Variants in HAUS8 observed in about 807,000 individuals in gnomAD.
The protein encoded by HAUS8 is HAUS augmin like complex subunit 8, also known as HAUS augmin-like complex subunit 8.
A neutral mutation model predicts 42.9 loss-of-function variants in HAUS8; 38 were observed. The ratio of observed to expected loss-of-function variants is 0.89; its 90% CI spans 0.68 to 1.16. The LOEUF (loss-of-function observed/expected upper bound fraction) is 1.16, where lower values mean the gene tolerates loss of function less well. Ranked by LOEUF, HAUS8 falls within the 50% of genes most tolerant of loss-of-function variation. The pLI, the probability that HAUS8 is intolerant of heterozygous loss-of-function variation, is 0.00. For missense variants in HAUS8, 494 were observed against 511.6 expected (o/e 0.97, Z 0.33); for synonymous variants, 199 against 205.8 (o/e 0.97, Z 0.28).
At chr19:17,050,840 G>A (rs988521838) in intron 10 of HAUS8, among the ~76,000 whole-genome samples, 1 of 152,058 alleles carries the variant, frequency 6.6e-6, no homozygotes, top group Admixed American at 6.5e-5. Context: ...GGTCTATAGT[G>A]AGCCGAGGAT....
At chr19:17,063,481 T>G (rs750611409) in intron 3 of HAUS8, among the ~76,000 whole-genome samples, 1 of 152,256 alleles carries the variant, frequency 6.6e-6, no homozygotes, top group Non-Finnish European at 1.5e-5. Context: ...ACGTAATTTT[T>G]CATGTAGGAA....
rs9676600 is a variant in HAUS8, at chr19:17,057,676, C to T, written c.645+873G>A. On this transcript the variant is annotated intron_variant, in intron 8 of 10. Transcript: ENST00000253669. The stretch of plus-strand genomic sequence containing the variant: ...TACTCAAGCCCAGGGTCTAGCTGCA[C>T]GGGTGCTCACATGAAAATTTTGGAT... 1.3e-5 allele frequency among the ~76,000 whole-genome samples: 2 copies of T among 152,080 alleles called. 1 individual carries two copies. Among genetic ancestry groups the T allele is most frequent in the South Asian group, 4.1e-4 (2 of 4,822 alleles).
intron 9 of HAUS8, among the ~76,000 whole-genome samples, chr19:17,055,555 G>A (rs545176232): frequency 4.5e-4 from 68 of 152,138 alleles, no homozygotes; most frequent in Non-Finnish European, 8.5e-4. Flanking sequence ...TGGTGGTCTT[G>A]TCACCCCCCA....
chr19:17,052,754 C>T, intron 10 of HAUS8, 71 bp downstream of exon 10: 4 of 1,555,618 alleles, frequency 2.6e-6, no homozygotes, highest in Non-Finnish European at 3.5e-6. Flanking sequence ...GGCACCACCC[C>T]AACAGTGCAG....
At chr19:17,067,516 G>C (rs1057080820) in intron 3 of HAUS8, among the ~76,000 whole-genome samples, 2 of 152,088 alleles carry the variant, frequency 1.3e-5, no homozygotes, top group Non-Finnish European at 2.9e-5. Flanking sequence ...TGCTGAAAAG[G>C]GGGATGCTGA....
At chr19:17,056,099 T>A in intron 8 of HAUS8, 97 bp from the exon 9 acceptor site, 1 of 1,141,918 alleles carries the variant, frequency 8.8e-7, no homozygotes, top group Non-Finnish European at 1.3e-6. Flanking sequence ...GATACAGCGC[T>A]GTTCTTCACC....
intron 9 of HAUS8, 87 bp from the exon 10 acceptor site, chr19:17,053,053 CATG>C: frequency 1.3e-6 from 2 of 1,514,598 alleles, no homozygotes; most frequent in Non-Finnish European, 1.8e-6. Context: ...AGACTTCTGT[CATG>C]ATGCTCGGCT....
At chr19:17,068,302 C>A (rs570491349) in intron 3 of HAUS8, among the ~76,000 whole-genome samples, 3 of 151,760 alleles carry the variant, frequency 2.0e-5, no homozygotes, top group Non-Finnish European at 4.4e-5. Context: ...TTAGTTGAGA[C>A]GGGGTTTCGC....
rs202008584 is a variant in HAUS8, at chr19:17,055,888, G to C, written c.760C>G (p.Leu254Val). 2 of 1,614,144 alleles carry C rather than the reference G, an allele frequency of 1.2e-6. No individual in the cohort carries two copies. Among genetic ancestry groups the C allele is most frequent in the Non-Finnish European group, 1.7e-6 (2 of 1,180,032 alleles). ...AAGAGCTGCTGCCCATCTCCCTCCA[G>C]GTGGATGGACCTCACGGGCAGCTCG... ...RHELPVRSIH[L>V]EGDGQQLLDA... Residue 254 changes from leucine to valine, a missense_variant, in exon 9 of 11, where the codon CTG becomes GTG. Transcript: ENST00000253669.
intron 3 of HAUS8, among the ~76,000 whole-genome samples, chr19:17,066,519 G>C (rs2057387960): frequency 1.3e-5 from 2 of 152,180 alleles, no homozygotes; most frequent in Admixed American, 1.3e-4. Context: ...ACTTGAACTT[G>C]GTTGGTCAGA....
intron 8 of HAUS8, among the ~76,000 whole-genome samples, chr19:17,056,603 A>G (rs971451463): frequency 6.6e-6 from 1 of 151,902 alleles, no homozygotes; most frequent in Non-Finnish European, 1.5e-5. Context: ...ACACATATAT[A>G]TTTTTTAGAT....
At chr19:17,072,530 C>T (rs1304362478) in intron 2 of HAUS8, among the ~76,000 whole-genome samples, 1 of 151,906 alleles carries the variant, frequency 6.6e-6, no homozygotes, top group Non-Finnish European at 1.5e-5. Context: ...TTTAGTAGAA[C>T]GAGGTTTCAC....
At chr19:17,060,939 A>G (rs1294373016) in intron 4 of HAUS8, among the ~76,000 whole-genome samples, 2 of 152,326 alleles carry the variant, frequency 1.3e-5, no homozygotes, top group African/African-American at 4.8e-5. Context: ...CTATTTCATG[A>G]ACAACTATGC....
intron 4 of HAUS8, among the ~76,000 whole-genome samples, chr19:17,061,665 A>G (rs994877131): frequency 5.9e-5 from 9 of 152,184 alleles, no homozygotes; most frequent in African/African-American, 2.2e-4. Flanking sequence ...TGTCCTGTGC[A>G]TTCAGGATGT....
intron 9 of HAUS8, 42 bp downstream of exon 9, chr19:17,055,819 G>A (rs373366795): frequency 3.0e-5 from 48 of 1,580,880 alleles, no homozygotes; most frequent in Admixed American, 7.1e-5. Context: ...CACGCTCCTC[G>A]CCCCGCCTGC....
At chr19:17,057,148 G>A (rs1165119311) in intron 8 of HAUS8, among the ~76,000 whole-genome samples, 4 of 152,050 alleles carry the variant, frequency 2.6e-5, no homozygotes, top group Admixed American at 6.5e-5. Flanking sequence ...TCCAGAGTTC[G>A]AGACCAGCCT....
intron 10 of HAUS8, among the ~76,000 whole-genome samples, chr19:17,050,398 A>G (rs1484253699): frequency 6.6e-6 from 1 of 152,156 alleles, no homozygotes; most frequent in Non-Finnish European, 1.5e-5. Flanking sequence ...AGAAATGTTC[A>G]TGGAGCTCAG....
intron 4 of HAUS8, among the ~76,000 whole-genome samples, chr19:17,060,687 C>T (rs554606473): frequency 6.6e-6 from 1 of 152,226 alleles, no homozygotes; most frequent in Non-Finnish European, 1.5e-5. Context: ...GGATTACAGG[C>T]ATGAGCCACC....
intron 2 of HAUS8, among the ~76,000 whole-genome samples, chr19:17,072,949 C>CA (rs201634583): frequency 0.34 from 28,474 of 84,556 alleles, 4,021 homozygotes; most frequent in Admixed American, 0.36. Flanking sequence ...GACCCCAACT[C>CA]AAAAAAAAAA....
Sources: allele counts gnomAD v4.1 joint callset (sites outside exome capture counted in the v4.1 genomes callset), GRCh38; gene constraint gnomAD v4.1.1; transcripts MANE v1.5; gene names NCBI Gene and HGNC (gene_info 2026-07-23, HGNC 2026-07-21).